PDE10A: variants seen among roughly 807,000 people sequenced by gnomAD.
PDE10A encodes the protein cAMP and cAMP-inhibited cGMP 3',5'-cyclic phosphodiesterase 10A.
In PDE10A, 39 loss-of-function variants were observed where a neutral mutation model predicts 97.7. The ratio of observed to expected loss-of-function variants is 0.40; its 90% confidence interval spans 0.31 to 0.52. PDE10A has a LOEUF of 0.52. Ranked by LOEUF, PDE10A falls within the 20% of genes least tolerant of loss-of-function variation. PDE10A has a pLI of 0.56. For synonymous variants in PDE10A, 371 were observed against 376.8 expected (o/e 0.98, Z 0.18); for missense variants, 731 against 1,047.8 (o/e 0.70, Z 4.17).
chr6:165,429,751 G>C (rs988726269), intron 9 of PDE10A, among the ~76,000 whole-genome samples: 2 of 152,042 alleles, frequency 1.3e-5, no homozygotes, highest in Non-Finnish European at 2.9e-5. Context: ...ATAAAAATAT[G>C]TGATTTAATA....
chr6:165,406,262 T>TGTGTG (rs1787156060), intron 13 of PDE10A, among the ~76,000 whole-genome samples: 3 of 42,992 alleles, frequency 7.0e-5, no homozygotes, highest in African/African-American at 2.0e-4. Context: ...GTGTGTGTGT[T>TGTGTG]TCTGTGTGTG....
At chr6:165,693,099 C>T (rs1791348241) in intron 1 of PDE10A, among the ~76,000 whole-genome samples, 6 of 152,150 alleles carry the variant, frequency 3.9e-5, no homozygotes, top group Admixed American at 3.9e-4. Context: ...TTGTTTGAAA[C>T]ATTGAATCTA....
chr6:165,515,062 C>A (rs1781714808), intron 2 of PDE10A, among the ~76,000 whole-genome samples: 1 of 152,166 alleles, frequency 6.6e-6, no homozygotes, highest in Non-Finnish European at 1.5e-5. Context: ...CCTAGACACC[C>A]TTTCAGAGGG....
chr6:165,677,760 G>A (rs954893000), intron 1 of PDE10A, among the ~76,000 whole-genome samples: 12 of 152,044 alleles, frequency 7.9e-5, no homozygotes, highest in African/African-American at 1.7e-4. Flanking sequence ...GTTCATATGC[G>A]TAATGTGTTT....
In PDE10A at chr6:165,625,591, G is replaced by T. The variant is rs116039115; in HGVS notation, c.865+36356C>A. 6.7e-3 allele frequency among the ~76,000 whole-genome samples: 1,018 copies of T among 152,270 alleles called. 15 individuals carry two copies. Among genetic ancestry groups the T allele is most frequent in the African/African-American group, 0.023 (939 of 41,554 alleles). On this transcript the variant is annotated intron_variant, in intron 1 of 21. Transcript: ENST00000539869. ...GCTTCCAGAATTCCCACCTGTCATG[G>T]GAGGGACCTGGTGAGAGGTAATTGC...
At chr6:165,505,699 G>T (rs1010387345) in intron 2 of PDE10A, among the ~76,000 whole-genome samples, 37 of 152,000 alleles carry the variant, frequency 2.4e-4, no homozygotes, top group Middle Eastern at 3.2e-3. Flanking sequence ...TATTTTGGGG[G>T]CCTAAATTCT....
At chr6:165,705,772 A>AT (rs1175856417) in intron 1 of PDE10A, among the ~76,000 whole-genome samples, 1 of 152,268 alleles carries the variant, frequency 6.6e-6, no homozygotes, top group East Asian at 1.9e-4. Flanking sequence ...CTTTAAAAAT[A>AT]TTACCATCAT....
chr6:165,327,700 T>G lies in PDE10A; in HGVS notation c.*5325A>C, dbSNP rs1025043109. ...TGCACTTGCGCATTTTACAAAGATT[T>G]TTGTCATACATATAAAATCATTTTT... On this transcript the variant is annotated 3_prime_UTR_variant, in exon 22 of 22. Transcript: ENST00000539869. 6.6e-6 allele frequency: 1 copy of G among 152,234 alleles called. No individual in the cohort carries two copies. The highest frequency in any genetic ancestry group is 1.5e-5 in the Non-Finnish European group (1 of 68,034). 9.4% of individuals were successfully genotyped at this position (152,234 alleles called of 1,614,324 possible).
At chr6:165,403,192 A>G (rs1311886395) in intron 13 of PDE10A, among the ~76,000 whole-genome samples, 1 of 152,208 alleles carries the variant, frequency 6.6e-6, no homozygotes, top group African/African-American at 2.4e-5. Flanking sequence ...CGCTATCAGC[A>G]ACCGTTATCT....
At chr6:165,915,892 TA>T (rs1782591939) in intron 1 of PDE10A, among the ~76,000 whole-genome samples, 1 of 152,266 alleles carries the variant, frequency 6.6e-6, no homozygotes, top group Non-Finnish European at 1.5e-5. Flanking sequence ...TTATTGCTTT[TA>T]CTTCCTTTTG....
intron 13 of PDE10A, among the ~76,000 whole-genome samples, chr6:165,402,136 TCA>T (rs1786714871): frequency 6.6e-6 from 1 of 152,196 alleles, no homozygotes; most frequent in South Asian, 2.1e-4. Flanking sequence ...ACTTCATGTC[TCA>T]CAAAACTTCT....
chr6:165,987,716 C>T (rs550246268), exon 1 of PDE10A: 1 of 456,792 alleles, frequency 2.2e-6, no homozygotes, highest in East Asian at 6.9e-5. Context: ...AGTTCGGGAC[C>T]TGTCCACCAC....
intron 1 of PDE10A, among the ~76,000 whole-genome samples, chr6:165,855,018 AATGAATGAATGAATGC>A (rs199653345): frequency 8.3e-4 from 125 of 150,782 alleles, no homozygotes; most frequent in Middle Eastern, 3.4e-3. Flanking sequence ...TGAATGAATG[AATGAATGAATGAATGC>A]ATGAATGAAT....
At chr6:165,487,364 G>A (rs1779981204) in intron 2 of PDE10A, among the ~76,000 whole-genome samples, 1 of 152,168 alleles carries the variant, frequency 6.6e-6, no homozygotes. Flanking sequence ...CGTCACCCCA[G>A]ACGGGACTGT....
intron 3 of PDE10A, among the ~76,000 whole-genome samples, chr6:165,472,654 T>C (rs1308888223): frequency 6.6e-6 from 1 of 152,156 alleles, no homozygotes. Context: ...TCTTTCAGAT[T>C]AGAATGTCAA....
At chr6:165,527,396 G>A (rs1782510095) in intron 2 of PDE10A, among the ~76,000 whole-genome samples, 1 of 152,294 alleles carries the variant, frequency 6.6e-6, no homozygotes, top group South Asian at 2.1e-4. Flanking sequence ...CAGATCCAAT[G>A]GTGCTTGAGG....
At chr6:165,540,107 G>A (rs918068837) in intron 2 of PDE10A, among the ~76,000 whole-genome samples, 2 of 152,060 alleles carry the variant, frequency 1.3e-5, no homozygotes, top group South Asian at 2.1e-4. Context: ...TCATTCATTC[G>A]AAAATGTGAG....
intron 1 of PDE10A, among the ~76,000 whole-genome samples, chr6:165,895,053 C>G (rs1004810246): frequency 1.3e-5 from 2 of 152,230 alleles, no homozygotes; most frequent in Non-Finnish European, 2.9e-5. Context: ...CTGAGCTACT[C>G]AGCCTGGCTC....
intron 1 of PDE10A, among the ~76,000 whole-genome samples, chr6:165,961,082 G>A (rs58539216): frequency 1.4e-5 from 2 of 144,010 alleles, no homozygotes; most frequent in East Asian, 2.4e-4. Context: ...TCAGCCTGTC[G>A]ATCTCCAGTC....
Sources: gnomAD v4.1 joint callset for allele counts (sites outside exome capture counted in the v4.1 genomes callset) on GRCh38, gnomAD v4.1.1 for gene constraint, MANE v1.5 for transcripts, NCBI Gene and HGNC (gene_info 2026-07-23, HGNC 2026-07-21) for gene names.